The following SCAMP2 variants were observed in gnomAD, a reference collection of about 807,000 sequenced individuals.
SCAMP2 encodes the protein secretory carrier-associated membrane protein 2.
In SCAMP2, 25 loss-of-function variants were observed where a neutral mutation model predicts 44.1. The observed-to-expected ratio is 0.57, with a 90% CI of 0.41 to 0.79. The LOEUF (loss-of-function observed/expected upper bound fraction) is 0.79. Among genes scored for constraint, SCAMP2 ranks in the 30% least tolerant of loss-of-function variants. The pLI, the probability that SCAMP2 is intolerant of heterozygous loss-of-function variation, is 0.00. For synonymous variants in SCAMP2, 156 were observed against 166.0 expected (o/e 0.94, Z 0.46); for missense variants, 355 against 411.0 (o/e 0.86, Z 1.18).
At chr15:74,855,487 C>G (rs1463556756) in intron 1 of SCAMP2, among the ~76,000 whole-genome samples, 1 of 151,344 alleles carries the variant, frequency 6.6e-6, no homozygotes, top group African/African-American at 2.4e-5. Flanking sequence ...GAGGCTGAGG[C>G]GGGTGGATCA....
intron 1 of SCAMP2, among the ~76,000 whole-genome samples, chr15:74,861,715 G>A (rs946372455): frequency 2.0e-5 from 3 of 151,870 alleles, no homozygotes; most frequent in Admixed American, 6.6e-5. Flanking sequence ...TGGCTAACAC[G>A]GTGAAACCCT....
intron 1 of SCAMP2, among the ~76,000 whole-genome samples, chr15:74,862,081 C>A (rs1216954445): frequency 7.4e-6 from 1 of 135,536 alleles, no homozygotes; most frequent in African/African-American, 2.7e-5. Context: ...AGGTGAGAAC[C>A]CGTCTCTACC....
chr15:74,871,870 C>G (rs1308054095), intron 1 of SCAMP2, among the ~76,000 whole-genome samples: 1 of 150,602 alleles, frequency 6.6e-6, no homozygotes, highest in Non-Finnish European at 1.5e-5. Context: ...TAAGGTGAAA[C>G]CCCGTCTCTA....
intron 1 of SCAMP2, among the ~76,000 whole-genome samples, chr15:74,860,630 T>C (rs2064497205): frequency 7.1e-6 from 1 of 140,400 alleles, no homozygotes; most frequent in Non-Finnish European, 1.5e-5. Flanking sequence ...GAGGTTGCAG[T>C]GAGCCAAGAT....
At chr15:74,846,829 T>C (rs994755561) in intron 7 of SCAMP2, among the ~76,000 whole-genome samples, 1 of 152,074 alleles carries the variant, frequency 6.6e-6, no homozygotes, top group Non-Finnish European at 1.5e-5. Flanking sequence ...GTGGGGAGTA[T>C]GGAAAGCGTG....
At chr15:74,847,619 G>A (rs1053885523) in intron 7 of SCAMP2, among the ~76,000 whole-genome samples, 1 of 152,198 alleles carries the variant, frequency 6.6e-6, no homozygotes, top group African/African-American at 2.4e-5. Flanking sequence ...CTCTGGACTT[G>A]CCAGCTCTGC....
chr15:74,863,949 G>A (rs2064525577), intron 1 of SCAMP2, among the ~76,000 whole-genome samples: 1 of 152,210 alleles, frequency 6.6e-6, no homozygotes, highest in Non-Finnish European at 1.5e-5. Flanking sequence ...AGGCTCTACT[G>A]AGCTGGAATC....
intron 1 of SCAMP2, among the ~76,000 whole-genome samples, chr15:74,860,000 C>G (rs1453603080): frequency 6.6e-6 from 1 of 152,152 alleles, no homozygotes; most frequent in Non-Finnish European, 1.5e-5. Flanking sequence ...CACGGTGGCT[C>G]AAGCTTATAA....
At chr15:74,847,225 G>A (rs1428237207) in intron 7 of SCAMP2, among the ~76,000 whole-genome samples, 1 of 151,718 alleles carries the variant, frequency 6.6e-6, no homozygotes, top group African/African-American at 2.4e-5. Flanking sequence ...CCAAGTAGCT[G>A]GGATTATAGG....
intron 1 of SCAMP2, among the ~76,000 whole-genome samples, chr15:74,871,505 C>T (rs1024998219): frequency 2.0e-5 from 3 of 152,062 alleles, no homozygotes; most frequent in Non-Finnish European, 2.9e-5. Context: ...GTAATCCCAG[C>T]ACTTTGGGAG....
At position 74,848,397 on chromosome 15, in the gene SCAMP2, A is replaced by G. The variant is rs1472191066; in HGVS notation, c.734+203T>C. The G allele has an allele frequency of 1.6e-5, 8 of 493,474 alleles. No homozygotes were observed. The East Asian group carries it at 2.7e-4, about 16-fold the overall frequency. 30.6% of individuals were successfully genotyped at this position (493,474 alleles called of 1,614,324 possible). On this transcript the variant is annotated intron_variant, in intron 7 of 8. Coordinates refer to ENST00000268099, the MANE Select transcript of SCAMP2 (RefSeq NM_005697.5). ...GTGAGTGTCTTTTGATGCCTTTAGT[A>G]TCAAGGAGAAAAAAAAAGTGAGTGG...
chr15:74,873,305 C>T lies in SCAMP2; in HGVS notation c.-50G>A, dbSNP rs781609040. On this transcript the variant is annotated 5_prime_UTR_variant, in exon 1 of 9. Transcript: ENST00000268099. ...CTCCGCGAACGCTGCTGCCTCCGGGCACCCAGACCCAGCGGCGCTTCGTGT... is the reference window on the plus strand; with the variant it reads ...CTCCGCGAACGCTGCTGCCTCCGGGTACCCAGACCCAGCGGCGCTTCGTGT... The T allele has an allele frequency of 5.5e-6, 8 of 1,456,648 alleles. No homozygotes were observed. The African/African-American group carries it at 1.0e-4, about 19-fold the overall frequency. The allele number at this position is 1,456,648 out of a possible 1,614,324, so 90.2% of individuals were successfully genotyped here.
chr15:74,861,414 GAAA>G (rs2064502095), intron 1 of SCAMP2, among the ~76,000 whole-genome samples: 2 of 152,040 alleles, frequency 1.3e-5, no homozygotes, highest in African/African-American at 4.8e-5. Flanking sequence ...TCTGTCCTAA[GAAA>G]ATATCACAAA....
intron 1 of SCAMP2, 129 bp from the exon 2 acceptor site, chr15:74,854,778 T>C: frequency 2.6e-6 from 2 of 757,550 alleles, no homozygotes; most frequent in Non-Finnish European, 4.4e-6. Flanking sequence ...GAAGCCTCTC[T>C]GGAAGGGTCC....
intron 1 of SCAMP2, among the ~76,000 whole-genome samples, chr15:74,868,343 G>A (rs2064555688): frequency 6.6e-6 from 1 of 152,194 alleles, no homozygotes. Context: ...GGTGGAAGCA[G>A]GCACTTAATA....
At position 74,844,318 on chromosome 15, in the gene SCAMP2, G is replaced by C. The variant is rs2064371199; in HGVS notation, c.*765C>G. 6.6e-6 allele frequency: 1 copy of C among 152,242 alleles called. No homozygotes were observed. Among genetic ancestry groups the C allele is most frequent in the African/African-American group, 2.4e-5 (1 of 41,404 alleles). The allele number at this position is 152,242 out of a possible 1,614,324, so 9.4% of individuals were successfully genotyped here. A position where few individuals can be genotyped will look rare whatever the true frequency, so the allele number is the denominator to read the frequency against. On this transcript the variant is annotated 3_prime_UTR_variant, in exon 9 of 9. Coordinates refer to ENST00000268099, the MANE Select transcript of SCAMP2 (RefSeq NM_005697.5). ...AGGACAGCTTGGGGTCAGTGTCCTTGGTCCCTTCCAGTCCCCAAATCCCAA... is the reference window on the plus strand; with the variant it reads ...AGGACAGCTTGGGGTCAGTGTCCTTCGTCCCTTCCAGTCCCCAAATCCCAA...
intron 1 of SCAMP2, among the ~76,000 whole-genome samples, chr15:74,862,885 CACACACACACACAT>C (rs2064517751): frequency 6.8e-6 from 1 of 147,058 alleles, no homozygotes; most frequent in Admixed American, 6.8e-5. Context: ...CACACACACA[CACACACACACACAT>C]ATTTTTAAAA....
intron 1 of SCAMP2, among the ~76,000 whole-genome samples, chr15:74,859,719 C>G (rs1281743589): frequency 6.7e-6 from 1 of 150,154 alleles, no homozygotes; most frequent in Non-Finnish European, 1.5e-5. Context: ...CAGGTTGAAG[C>G]GATTCTCGTG....
chr15:74,865,380 CAA>C (rs71140104), intron 1 of SCAMP2, among the ~76,000 whole-genome samples: 8 of 108,712 alleles, frequency 7.4e-5, no homozygotes, highest in African/African-American at 7.6e-5. Flanking sequence ...GACTTTGTCT[CAA>C]AAAAAAAAAA....
Sources: gnomAD v4.1 joint callset for allele counts (sites outside exome capture counted in the v4.1 genomes callset) on GRCh38, gnomAD v4.1.1 for gene constraint, MANE v1.5 for transcripts, NCBI Gene and HGNC (gene_info 2026-07-23, HGNC 2026-07-21) for gene names.